NAV3: variants seen among roughly 807,000 people sequenced by gnomAD.
NAV3 encodes neuron navigator 3.
In NAV3, 87 loss-of-function variants were observed where a neutral mutation model predicts 244.7. The observed-to-expected ratio is 0.36, with a 90% confidence interval of 0.30 to 0.42. The LOEUF is 0.42. Among genes scored for constraint, NAV3 ranks in the 20% least tolerant of loss-of-function variants. The probability of loss-of-function intolerance (pLI) is 1.00; values close to 1 mark genes in which losing one functional copy is unlikely to be tolerated. For synonymous variants in NAV3, 1,126 were observed against 1,042.2 expected (o/e 1.08, Z -1.55); for missense variants, 2,663 against 2,893.3 (o/e 0.92, Z 1.83).
chr12:78,056,394 G>A (rs1016233324), intron 11 of NAV3: 2 of 152,158 alleles, frequency 1.3e-5, no homozygotes, highest in Non-Finnish European at 2.9e-5. Context: ...CCCAGGAAAA[G>A]TTTAATTTGA....
intron 3 of NAV3, among the ~76,000 whole-genome samples, chr12:77,965,934 A>C (rs565734113): frequency 6.6e-6 from 1 of 152,240 alleles, no homozygotes; most frequent in African/African-American, 2.4e-5. Flanking sequence ...ACGGGGACTT[A>C]TTTGCAAAAT....
chr12:78,178,814 AT>A lies in NAV3; in HGVS notation c.5364-708del, dbSNP rs540459856. On this transcript the variant is annotated intron_variant, in intron 28 of 39. Coordinates refer to ENST00000397909, the MANE Select transcript of NAV3 (RefSeq NM_001024383.2). ...AAAATATGTTAGTTAATATAAAACA[AT>A]TTTTTTGGCAAATTTCCTGCGAAGC... 2.3e-3 allele frequency among the ~76,000 whole-genome samples: 343 copies of A among 152,172 alleles called. 4 individuals carry two copies. The highest frequency in any genetic ancestry group is 6.8e-3 in the African/African-American group (281 of 41,532).
In NAV3 at chr12:78,210,621, G is replaced by T; in HGVS notation, c.*104G>T. On this transcript the variant is annotated 3_prime_UTR_variant, in exon 40 of 40. Transcript: ENST00000397909. The stretch of plus-strand genomic sequence containing the variant: ...CCAGTATAAAAGCACCCTGTCAAGG[G>T]CCCTGACCCAGAGTTGTGGTCTCCA... 7.3e-7 allele frequency: 1 copy of T among 1,375,826 alleles called. No homozygotes were observed. Among genetic ancestry groups the T allele is most frequent in the South Asian group, 1.5e-5 (1 of 68,558 alleles). The allele number at this position is 1,375,826 out of a possible 1,614,324, so 85.2% of individuals were successfully genotyped here.
intron 1 of NAV3, among the ~76,000 whole-genome samples, chr12:77,836,342 T>C (rs1874629968): frequency 6.6e-6 from 1 of 152,164 alleles, no homozygotes; most frequent in South Asian, 2.1e-4. Flanking sequence ...GCCACCTTTC[T>C]TTTACTCCTA....
At chr12:78,189,691 A>G (rs1039621852) in intron 33 of NAV3, among the ~76,000 whole-genome samples, 2 of 151,826 alleles carry the variant, frequency 1.3e-5, no homozygotes, top group African/African-American at 4.8e-5. Flanking sequence ...TAGCATTTAT[A>G]ATGCTTCCAT....
At chr12:77,777,792 C>A (rs1870440284) in intron 2 of NAV3, among the ~76,000 whole-genome samples, 1 of 148,112 alleles carries the variant, frequency 6.8e-6, no homozygotes, top group African/African-American at 2.4e-5. Flanking sequence ...TAGTAATTTT[C>A]TTTACTTTTT....
At chr12:77,993,853 C>T (rs10859757) in intron 5 of NAV3, among the ~76,000 whole-genome samples, 125,206 of 152,004 alleles carry the variant, frequency 0.82, 51,708 homozygotes, top group Admixed American at 0.87. Context: ...GGATTCATGT[C>T]GAGCCATTCC....
At chr12:77,748,407 A>G (rs1868667732) in intron 2 of NAV3, among the ~76,000 whole-genome samples, 1 of 152,208 alleles carries the variant, frequency 6.6e-6, no homozygotes, top group Non-Finnish European at 1.5e-5. Context: ...TTTCAAGATT[A>G]TGGATAAGAT....
intron 2 of NAV3, among the ~76,000 whole-genome samples, chr12:77,687,847 A>G (rs988346119): frequency 1.3e-5 from 2 of 152,104 alleles, no homozygotes; most frequent in African/African-American, 4.8e-5. Flanking sequence ...CAAATTTTAA[A>G]TCAATATATC....
intron 2 of NAV3, among the ~76,000 whole-genome samples, chr12:77,820,489 C>G (rs948549059): frequency 1.3e-4 from 20 of 152,098 alleles, no homozygotes; most frequent in African/African-American, 3.9e-4. Flanking sequence ...AGAGCCCTCA[C>G]GATTCAATCA....
At chr12:77,650,980 A>G (rs1872795367) in intron 2 of NAV3, among the ~76,000 whole-genome samples, 1 of 152,088 alleles carries the variant, frequency 6.6e-6, no homozygotes, top group African/African-American at 2.4e-5. Context: ...ATAAATATAT[A>G]GTAACTATTT....
chr12:77,984,133 TGGG>T (rs1260403581), intron 5 of NAV3, among the ~76,000 whole-genome samples: 2 of 152,212 alleles, frequency 1.3e-5, no homozygotes, highest in African/African-American at 4.8e-5. Context: ...CTAAGTCCTG[TGGG>T]ACTTATGTTG....
In NAV3 at chr12:77,939,335, G is replaced by A. The variant is rs549799580; in HGVS notation, c.244-984G>A. Among the ~76,000 whole-genome samples the A allele has an allele frequency of 8.5e-5, 13 of 152,068 alleles. No individual in the cohort carries two copies. In the East Asian group the frequency reaches 2.5e-3, roughly 29 times the overall value. On this transcript the variant is annotated intron_variant, in intron 1 of 39. Transcript: ENST00000397909. ...GGAAGGTCCTTCTCCTCACTTCTCA[G>A]GCCTAGGTTCTATGTTATTTCCAGT...
chr12:77,930,017 G>A (rs1255196647), intron 1 of NAV3, among the ~76,000 whole-genome samples: 2 of 151,952 alleles, frequency 1.3e-5, no homozygotes, highest in African/African-American at 4.8e-5. Flanking sequence ...AACATGTAAA[G>A]TTCTACAGGT....
intron 34 of NAV3, among the ~76,000 whole-genome samples, chr12:78,195,204 C>T (rs1959150639): frequency 6.6e-6 from 1 of 151,950 alleles, no homozygotes; most frequent in African/African-American, 2.4e-5. Flanking sequence ...ACTTCTTCTG[C>T]ATGGATTCAA....
intron 22 of NAV3, among the ~76,000 whole-genome samples, chr12:78,154,284 T>TACTACTATATATTATATA (rs1232490074): frequency 1.1e-4 from 7 of 61,930 alleles, no homozygotes; most frequent in Admixed American, 2.5e-4. Flanking sequence ...TTACTATATA[T>TACTACTATATATTATATA]ACTACTATAT....
intron 9 of NAV3, among the ~76,000 whole-genome samples, chr12:78,029,179 CAAA>C (rs149050506): frequency 8.5e-4 from 110 of 128,766 alleles, no homozygotes; most frequent in Admixed American, 1.1e-3. Flanking sequence ...CTACCTATTC[CAAA>C]AAAAAAAAAA....
chr12:77,837,448 G>A (rs1162835382), intron 1 of NAV3, among the ~76,000 whole-genome samples: 1 of 152,060 alleles, frequency 6.6e-6, no homozygotes, highest in Non-Finnish European at 1.5e-5. Context: ...CTGTATGTCA[G>A]GTACTGGGCC....
intron 19 of NAV3, among the ~76,000 whole-genome samples, chr12:78,138,070 C>T (rs1218112411): frequency 6.6e-6 from 1 of 151,728 alleles, no homozygotes; most frequent in Non-Finnish European, 1.5e-5. Context: ...TTTTAGTATC[C>T]ATAAAGAAAA....
Sources: gnomAD v4.1 joint callset for allele counts (sites outside exome capture counted in the v4.1 genomes callset) on GRCh38, gnomAD v4.1.1 for gene constraint, MANE v1.5 for transcripts, NCBI Gene and HGNC (gene_info 2026-07-23, HGNC 2026-07-21) for gene names.